CHP1: variants seen among roughly 807,000 people sequenced by gnomAD.
The protein encoded by CHP1 is calcineurin like EF-hand protein 1, also known as calcineurin B homologous protein 1.
In CHP1, 11 loss-of-function variants were observed where a neutral mutation model predicts 27.4. That is an observed-to-expected ratio of 0.40 (90% CI 0.25 to 0.67). The LOEUF (loss-of-function observed/expected upper bound fraction) is 0.67. Among genes scored for constraint, CHP1 ranks in the 30% least tolerant of loss-of-function variants. The probability of loss-of-function intolerance (pLI) is 0.38; values close to 1 mark genes in which losing one functional copy is unlikely to be tolerated. For missense variants in CHP1, 169 were observed against 251.3 expected (o/e 0.67, Z 2.22); for synonymous variants, 89 against 87.4 (o/e 1.02, Z -0.10).
chr15:41,243,462 G>A (rs1267716376), intron 1 of CHP1, among the ~76,000 whole-genome samples: 1 of 152,056 alleles, frequency 6.6e-6, no homozygotes, highest in East Asian at 1.9e-4. Context: ...TTCATTCCTG[G>A]GATTGAATTT....
Position 41,270,463 on chromosome 15 carries a change from G to C in CHP1, c.350-94G>C, listed in dbSNP as rs1403495724. 1.3e-5 allele frequency: 12 copies of C among 900,972 alleles called. No individual in the cohort carries two copies. In the Admixed American group the frequency reaches 2.3e-4, roughly 17 times the overall value. 55.8% of individuals were successfully genotyped at this position (900,972 alleles called of 1,614,324 possible). On this transcript the variant is annotated intron_variant, in intron 4 of 6. Coordinates refer to ENST00000334660, the MANE Select transcript of CHP1 (RefSeq NM_007236.5). ...TTCTTGGAAAATCGATTAATTGGCT[G>C]TCAGTTTTCTGTCTAGTGTCTTATA...
At chr15:41,238,636 C>G (rs1254284181) in intron 1 of CHP1, among the ~76,000 whole-genome samples, 1 of 150,452 alleles carries the variant, frequency 6.6e-6, no homozygotes, top group South Asian at 2.1e-4. Flanking sequence ...GTCGGGAGAT[C>G]GAGATCATCC....
chr15:41,233,434 C>T (rs988262142), intron 1 of CHP1, among the ~76,000 whole-genome samples: 2 of 152,190 alleles, frequency 1.3e-5, no homozygotes, highest in African/African-American at 4.8e-5. Context: ...TACCATGTGG[C>T]TTGTGGACAA....
chr15:41,240,784 G>A (rs2047302745), intron 1 of CHP1, among the ~76,000 whole-genome samples: 3 of 145,800 alleles, frequency 2.1e-5, no homozygotes, highest in African/African-American at 7.5e-5. Context: ...GATCTATGAA[G>A]AAATGAAAAT....
At position 41,280,505 on chromosome 15, in the gene CHP1, A is replaced by ATTTTTTTTTTTTTTTTTTTTTTTTTTTT. The variant is rs34921023; in HGVS notation, c.*1143_*1144insTTTTTTTTTTTTTTTTTTTTTTTTTTTT. ...GGAAGTGCCTAATATCCCAGTCCAAATTTTTTTTTTTTTTTTTTTTTTTTT... is the reference window on the plus strand; with the variant it reads ...GGAAGTGCCTAATATCCCAGTCCAAATTTTTTTTTTTTTTTTTTTTTTTTTTTTTTTTTTTTTTTTTTTTTTTTTTTTT... On this transcript the variant is annotated 3_prime_UTR_variant, in exon 7 of 7. Transcript: ENST00000334660. 3 of 111,340 alleles carry ATTTTTTTTTTTTTTTTTTTTTTTTTTTT rather than the reference A, an allele frequency of 2.7e-5. 1 individual carries two copies. Among genetic ancestry groups the ATTTTTTTTTTTTTTTTTTTTTTTTTTTT allele is most frequent in the Non-Finnish European group, 1.8e-5 (1 of 56,608 alleles). 6.9% of individuals were successfully genotyped at this position (111,340 alleles called of 1,614,324 possible). A position where few individuals can be genotyped will look rare whatever the true frequency, so the allele number is the denominator to read the frequency against.
intron 2 of CHP1, among the ~76,000 whole-genome samples, chr15:41,244,697 A>G (rs2047324899): frequency 6.6e-6 from 1 of 152,182 alleles, no homozygotes; most frequent in Non-Finnish European, 1.5e-5. Context: ...CGGTAGTGCC[A>G]AAATTGAGAA....
At chr15:41,253,486 T>C (rs112749772) in intron 2 of CHP1, among the ~76,000 whole-genome samples, 20,732 of 149,052 alleles carry the variant, frequency 0.14, 1,677 homozygotes, top group South Asian at 0.27. Flanking sequence ...GACGGAGTCT[T>C]GCTCTGTCAC....
chr15:41,236,998 T>G (rs2047280333), intron 1 of CHP1, among the ~76,000 whole-genome samples: 1 of 150,070 alleles, frequency 6.7e-6, no homozygotes, highest in South Asian at 2.1e-4. Flanking sequence ...CCTGGCTAAT[T>G]TTTTGTATTT....
chr15:41,231,867 C>A (rs2047246800), intron 1 of CHP1, among the ~76,000 whole-genome samples: 1 of 152,050 alleles, frequency 6.6e-6, no homozygotes, highest in South Asian at 2.1e-4. Context: ...GGGTAAGGAC[C>A]TAAAACCTCT....
At chr15:41,260,975 T>G (rs1463408144) in intron 3 of CHP1, among the ~76,000 whole-genome samples, 1 of 150,432 alleles carries the variant, frequency 6.6e-6, no homozygotes, top group Admixed American at 6.6e-5. Context: ...TTCTGCCTCC[T>G]GTGTGTTCAA....
chr15:41,248,429 A>C (rs1213542078), intron 2 of CHP1, among the ~76,000 whole-genome samples: 1 of 151,766 alleles, frequency 6.6e-6, no homozygotes, highest in East Asian at 1.9e-4. Flanking sequence ...TGTTATTTTT[A>C]TTTTATTTTC....
In CHP1 at chr15:41,244,058, T is replaced by C. The variant is rs546370299; in HGVS notation, c.140+319T>C. ...ACTAAAAATACAAAAATTAGCTCAG[T>C]GTGGTGGTAGGCGCCTGTAATCCCA... On this transcript the variant is annotated intron_variant, in intron 2 of 6. Coordinates refer to ENST00000334660, the MANE Select transcript of CHP1 (RefSeq NM_007236.5). Among the ~76,000 whole-genome samples the C allele has an allele frequency of 4.5e-4, 69 of 151,706 alleles. 2 individuals are homozygous for C. Among genetic ancestry groups the C allele is most frequent in the African/African-American group, 1.6e-3 (67 of 41,384 alleles).
intron 2 of CHP1, chr15:41,256,534 G>A (rs1323564319): frequency 4.4e-6 from 1 of 224,928 alleles, no homozygotes; most frequent in African/African-American, 2.4e-5. Flanking sequence ...TTCAAGTTCT[G>A]CAGTATTTGA....
intron 5 of CHP1, among the ~76,000 whole-genome samples, chr15:41,273,707 C>T (rs1041497503): frequency 2.0e-5 from 3 of 151,204 alleles, no homozygotes; most frequent in African/African-American, 7.3e-5. Flanking sequence ...AAAAAGAAGT[C>T]TTAGAAAATC....
chr15:41,273,760 T>C (rs1224440151), intron 5 of CHP1, among the ~76,000 whole-genome samples: 5 of 151,088 alleles, frequency 3.3e-5, no homozygotes, highest in Middle Eastern at 3.4e-3. Context: ...AGAATATATA[T>C]ATAAACCCTC....
chr15:41,238,942 G>T (rs979222897), intron 1 of CHP1, among the ~76,000 whole-genome samples: 2 of 152,132 alleles, frequency 1.3e-5, no homozygotes, highest in African/African-American at 4.8e-5. Flanking sequence ...CAAGAATTGT[G>T]CAGGTTTTGG....
intron 4 of CHP1, among the ~76,000 whole-genome samples, chr15:41,267,072 A>T (rs2140939542): frequency 6.6e-6 from 1 of 152,288 alleles, no homozygotes; most frequent in East Asian, 1.9e-4. Context: ...GAGTGAAATA[A>T]AGTGGATATA....
intron 3 of CHP1, among the ~76,000 whole-genome samples, chr15:41,261,501 G>A (rs532339929): frequency 2.0e-5 from 3 of 152,006 alleles, no homozygotes; most frequent in Non-Finnish European, 4.4e-5. Context: ...GTAGAACTCG[G>A]ATCAGTATTT....
At chr15:41,271,375 C>T (rs977794519) in intron 5 of CHP1, among the ~76,000 whole-genome samples, 1 of 151,926 alleles carries the variant, frequency 6.6e-6, no homozygotes, top group Non-Finnish European at 1.5e-5. Flanking sequence ...TTGCAGTGAG[C>T]CAAGATCGTG....
Sources: gnomAD v4.1 joint callset for allele counts (sites outside exome capture counted in the v4.1 genomes callset) on GRCh38, gnomAD v4.1.1 for gene constraint, MANE v1.5 for transcripts, NCBI Gene and HGNC (gene_info 2026-07-23, HGNC 2026-07-21) for gene names.